C12orf75: variants seen among roughly 807,000 people sequenced by gnomAD.
C12orf75 encodes overexpressed in colon carcinoma 1 protein.
Under a neutral mutation model 11.4 loss-of-function variants are expected in C12orf75, and 4 were observed. That is an observed-to-expected ratio of 0.35 (90% confidence interval 0.17 to 0.80). The LOEUF is 0.80. Among genes scored for constraint, C12orf75 ranks in the 30% least tolerant of loss-of-function variants. The pLI, the probability that C12orf75 is intolerant of heterozygous loss-of-function variation, is 0.52. For missense variants in C12orf75, 89 were observed against 80.4 expected (o/e 1.11, Z -0.41); for synonymous variants, 30 against 30.0 (o/e 1.00, Z 0.00).
intron 2 of C12orf75, among the ~76,000 whole-genome samples, chr12:105,356,331 G>A (rs1387039826): frequency 2.0e-5 from 3 of 151,854 alleles, no homozygotes; most frequent in Non-Finnish European, 4.4e-5. Flanking sequence ...CAGATCAGGA[G>A]AGCCATGGTC....
At chr12:105,349,442 T>C (rs750883065) in intron 2 of C12orf75, among the ~76,000 whole-genome samples, 1 of 152,154 alleles carries the variant, frequency 6.6e-6, no homozygotes, top group Non-Finnish European at 1.5e-5. Context: ...GAGAGTGGGC[T>C]GGGGTGAGGC....
chr12:105,332,262 G>A (rs1477047816), intron 1 of C12orf75, among the ~76,000 whole-genome samples: 1 of 152,138 alleles, frequency 6.6e-6, no homozygotes, highest in Admixed American at 6.5e-5. Context: ...CACTGCATGT[G>A]TAGCCTACTT....
At chr12:105,364,902 C>T (rs973757497) in intron 2 of C12orf75, among the ~76,000 whole-genome samples, 2 of 139,148 alleles carry the variant, frequency 1.4e-5, no homozygotes, top group East Asian at 2.1e-4. Context: ...AGTGTAATGG[C>T]GTGATCTCTG....
chr12:105,350,567 C>CT (rs1011400304), intron 2 of C12orf75, among the ~76,000 whole-genome samples: 5 of 152,192 alleles, frequency 3.3e-5, no homozygotes, highest in Non-Finnish European at 5.9e-5. Flanking sequence ...TCCTGGCTCT[C>CT]TGAGCTGCAT....
At position 105,342,151 on chromosome 12, in the gene C12orf75, CAT is replaced by C. The variant is rs1197383532; in HGVS notation, c.47-6450_47-6449del. ...GCTGTGGTTTGAGTGCGTTCCCCAA[CAT>C]GTGTTGGAAATTTAATACCCAATGC... On this transcript the variant is annotated intron_variant, in intron 1 of 5. Coordinates refer to ENST00000443585, the MANE Select transcript of C12orf75 (RefSeq NM_001145199.2). 2.6e-5 allele frequency among the ~76,000 whole-genome samples: 4 copies of C among 152,352 alleles called. No homozygotes were observed. In the East Asian group the frequency reaches 7.7e-4, roughly 29 times the overall value.
chr12:105,341,114 A>T (rs913750608), intron 1 of C12orf75, among the ~76,000 whole-genome samples: 51 of 152,368 alleles, frequency 3.3e-4, no homozygotes, highest in Non-Finnish European at 5.7e-4. Context: ...TTCAGAAATG[A>T]GACAAAATCA....
rs558703982 is a variant in C12orf75, at chr12:105,332,410, G to C, written c.46+1473G>C. On this transcript the variant is annotated intron_variant, in intron 1 of 5. Coordinates refer to ENST00000443585, the MANE Select transcript of C12orf75 (RefSeq NM_001145199.2). Reference sequence around the variant, plus strand: ...AACTGCTTGTCAGTTTTAGGGATGGGGAGGGGGTACCATTGCCAAATGAAA... The same window carrying C: ...AACTGCTTGTCAGTTTTAGGGATGGCGAGGGGGTACCATTGCCAAATGAAA... Among the ~76,000 whole-genome samples, 77 of 152,234 alleles carry C rather than the reference G, an allele frequency of 5.1e-4. 1 individual carries two copies. The Middle Eastern group carries it at 0.017, about 34-fold the overall frequency.
intron 1 of C12orf75, among the ~76,000 whole-genome samples, chr12:105,347,464 GT>G (rs1384237909): frequency 6.6e-6 from 1 of 152,202 alleles, no homozygotes; most frequent in Admixed American, 6.5e-5. Context: ...CAAACTACTG[GT>G]CTAAGTCCAA....
chr12:105,340,423 C>T (rs1892555380), intron 1 of C12orf75, among the ~76,000 whole-genome samples: 2 of 110,502 alleles, frequency 1.8e-5, no homozygotes, highest in Non-Finnish European at 3.6e-5. Flanking sequence ...AGACTCCGTG[C>T]CCCCGCCAAA....
chr12:105,344,222 A>G (rs1892608403), intron 1 of C12orf75, among the ~76,000 whole-genome samples: 1 of 152,108 alleles, frequency 6.6e-6, no homozygotes, highest in Non-Finnish European at 1.5e-5. Flanking sequence ...TTGCCTTCCT[A>G]GCTGCATTTG....
chr12:105,340,282 G>A (rs147191183), intron 1 of C12orf75, among the ~76,000 whole-genome samples: 13 of 151,986 alleles, frequency 8.6e-5, no homozygotes, highest in Admixed American at 5.9e-4. Context: ...AAAATTAGCC[G>A]GGCGTGGTGG....
chr12:105,357,801 TGTGTGTGAGAGAGA>T (rs988906864), intron 2 of C12orf75, among the ~76,000 whole-genome samples: 15 of 146,172 alleles, frequency 1.0e-4, no homozygotes, highest in Non-Finnish European at 1.8e-4. Context: ...TGTGTGTGTG[TGTGTGTGAGAGAGA>T]GAGAGAGAGA....
intron 2 of C12orf75, among the ~76,000 whole-genome samples, chr12:105,360,961 A>G (rs1262342230): frequency 6.6e-6 from 1 of 152,090 alleles, no homozygotes; most frequent in African/African-American, 2.4e-5. Context: ...TTTTTAGTAG[A>G]GACGGGGTTT....
chr12:105,331,020 G>GGCT, intron 1 of C12orf75, 83 bp downstream of exon 1: 8 of 871,938 alleles, frequency 9.2e-6, no homozygotes, highest in East Asian at 3.4e-5. Context: ...TTGGGTGGGG[G>GGCT]GCGCGCAGCC....
chr12:105,341,533 A>G (rs1285811934), intron 1 of C12orf75, among the ~76,000 whole-genome samples: 2 of 152,104 alleles, frequency 1.3e-5, no homozygotes, highest in East Asian at 1.9e-4. Flanking sequence ...AGGCTCAATG[A>G]TTTGCTAGAA....
At chr12:105,363,791 G>T (rs1053165245) in intron 2 of C12orf75, among the ~76,000 whole-genome samples, 4 of 151,132 alleles carry the variant, frequency 2.6e-5, no homozygotes, top group African/African-American at 9.7e-5. Context: ...TTAAGATTTG[G>T]CATTATATCT....
chr12:105,366,364 TTC>T (rs1871472643), intron 3 of C12orf75: 2 of 347,912 alleles, frequency 5.7e-6, no homozygotes, highest in Non-Finnish European at 5.1e-6. Flanking sequence ...AAGTCTTTTC[TTC>T]TTTCTCATTA....
At chr12:105,368,959 G>T (rs1021718226) in intron 5 of C12orf75, among the ~76,000 whole-genome samples, 1 of 152,084 alleles carries the variant, frequency 6.6e-6, no homozygotes, top group Admixed American at 6.6e-5. Flanking sequence ...TGAGTTCTCC[G>T]CTAGTTTTCT....
At position 105,337,151 on chromosome 12, in the gene C12orf75, C is replaced by T. The variant is rs912941631; in HGVS notation, c.46+6214C>T. 2.0e-5 allele frequency among the ~76,000 whole-genome samples: 3 copies of T among 152,002 alleles called. No homozygotes were observed. In the South Asian group the frequency reaches 6.2e-4, roughly 32 times the overall value. On this transcript the variant is annotated intron_variant, in intron 1 of 5. Transcript: ENST00000443585. ...CCAGCCTGGCTGACATGGCGAAACC[C>T]CATCTCTACTAAAAATACAAAAATT... is the stretch of plus-strand genomic sequence containing the variant.
Sources: allele counts gnomAD v4.1 joint callset (sites outside exome capture counted in the v4.1 genomes callset), GRCh38; gene constraint gnomAD v4.1.1; transcripts MANE v1.5; gene names NCBI Gene and HGNC (gene_info 2026-07-23, HGNC 2026-07-21).